The following ERAP1 variants were observed in gnomAD, a reference collection of about 807,000 sequenced individuals.
The protein encoded by ERAP1 is endoplasmic reticulum aminopeptidase 1, also known as adipocyte-derived leucine aminopeptidase.
ERAP1 carries 86 observed loss-of-function variants against 103.7 expected under a neutral mutation model. The ratio of observed to expected loss-of-function variants is 0.83; its 90% CI spans 0.70 to 0.99. The LOEUF is 0.99. Ranked by LOEUF, ERAP1 falls within the 50% of genes least tolerant of loss-of-function variation. The pLI is 0.00. For missense variants in ERAP1, 1,009 were observed against 1,128.4 expected, an observed-to-expected ratio of 0.89 and a Z score of 1.52; for synonymous variants, 398 against 402.4, an observed-to-expected ratio of 0.99 and a Z score of 0.13.
the ERAP1 span, among the ~76,000 whole-genome samples, chr5:96,847,247 CA>C: frequency 0.079 from 6,737 of 84,988 alleles, 534 homozygotes; most frequent in East Asian, 0.47. Context: ...GACTCCATCT[CA>C]AAAAAAAAAA....
At chr5:96,793,330 G>T in intron 7 of ERAP1, 70 bp downstream of exon 7, 2 of 1,036,550 alleles carry the variant, frequency 1.9e-6, no homozygotes, top group South Asian at 1.3e-5. Context: ...AAAGATTAGT[G>T]AATATTTTCC....
At chr5:96,927,033 T>G in the ERAP1 span, among the ~76,000 whole-genome samples, 40 of 152,124 alleles carry the variant, frequency 2.6e-4, no homozygotes, top group African/African-American at 8.9e-4. Flanking sequence ...CCCAGGCTGG[T>G]CTTGAACTCC....
chr5:96,878,742 A>G, the ERAP1 span, among the ~76,000 whole-genome samples: 1 of 152,182 alleles, frequency 6.6e-6, no homozygotes, highest in Non-Finnish European at 1.5e-5. Flanking sequence ...AGCCAGGCCA[A>G]CATGGTGAAA....
the ERAP1 span, among the ~76,000 whole-genome samples, chr5:96,898,008 C>G: frequency 1.3e-5 from 2 of 152,154 alleles, no homozygotes; most frequent in African/African-American, 4.8e-5. Context: ...ACCAGCCTGG[C>G]CAATTCGTGG....
At chr5:96,808,021 G>A (rs1286479790), upstream of ERAP1, 6 of 985,444 alleles carry the variant, frequency 6.1e-6, no homozygotes, top group Admixed American at 1.8e-4. Context: ...GAAGCCCCTG[G>A]CTAAGGCGGG....
chr5:96,917,777 G>T, the ERAP1 span: 3 of 401,552 alleles, frequency 7.5e-6, no homozygotes, highest in Admixed American at 1.3e-4. Flanking sequence ...ATGGTGGCAG[G>T]TGCCTGTAGT....
the ERAP1 span, among the ~76,000 whole-genome samples, chr5:96,868,570 G>A: frequency 6.6e-6 from 1 of 152,180 alleles, no homozygotes; most frequent in Admixed American, 6.5e-5. Context: ...CAGGAATTGA[G>A]CTGGGATATA....
At chr5:96,786,381 C>T in intron 12 of ERAP1, 89 bp downstream of exon 12, 1 of 926,552 alleles carries the variant, frequency 1.1e-6, no homozygotes, top group Non-Finnish European at 1.7e-6. Context: ...TTGCTTTAAC[C>T]AAGATAAATA....
Position 96,774,966 on chromosome 5 carries a change from A to G in ERAP1, c.*1430T>C, listed in dbSNP as rs1773856459. On this transcript the variant is annotated 3_prime_UTR_variant, in exon 19 of 19. Coordinates refer to ENST00000443439, the MANE Select transcript of ERAP1 (RefSeq NM_001040458.3). ...ATCTTGAAGTTTTTGCCTTATATTCAAAAAGTTCAGTTTGAATTCTCCTTT... is the reference window on the plus strand; with the variant it reads ...ATCTTGAAGTTTTTGCCTTATATTCGAAAAGTTCAGTTTGAATTCTCCTTT... 12 of 985,402 alleles carry G rather than the reference A, an allele frequency of 1.2e-5. No homozygotes were observed. The highest frequency in any genetic ancestry group is 1.4e-5 in the Non-Finnish European group (12 of 829,880). 61.0% of individuals were successfully genotyped at this position (985,402 alleles called of 1,614,324 possible). A position where few individuals can be genotyped will look rare whatever the true frequency, so the allele number is the denominator to read the frequency against.
intron 5 of ERAP1, 125 bp from the exon 6 acceptor site, chr5:96,794,082 G>A: frequency 2.2e-6 from 2 of 892,338 alleles, no homozygotes; most frequent in South Asian, 1.4e-5. Flanking sequence ...CTCTAGACTG[G>A]AAGAACCTTT....
chr5:96,862,371 T>G, the ERAP1 span, among the ~76,000 whole-genome samples: 2 of 152,204 alleles, frequency 1.3e-5, no homozygotes, highest in South Asian at 4.1e-4. Flanking sequence ...CAATAAACAG[T>G]AAACTTTTAC....
chr5:96,785,721 A>C (rs532620206), intron 13 of ERAP1, 67 bp downstream of exon 13: 7 of 1,539,496 alleles, frequency 4.5e-6, no homozygotes, highest in East Asian at 4.5e-5. Context: ...TGTCTTTAGA[A>C]ATCAAGAATT....
the ERAP1 span, among the ~76,000 whole-genome samples, chr5:96,828,328 T>G: frequency 2.6e-5 from 4 of 152,182 alleles, no homozygotes; most frequent in African/African-American, 4.8e-5. Flanking sequence ...GTAAATGAAT[T>G]ACTAAGAATA....
chr5:96,863,842 T>G, the ERAP1 span, among the ~76,000 whole-genome samples: 75 of 134,192 alleles, frequency 5.6e-4, no homozygotes, highest in Middle Eastern at 3.4e-3. Context: ...TTTAGAAATC[T>G]TATTTAAAAA....
intron 19 of ERAP1, chr5:96,768,812 T>G (rs1055020489): frequency 1.3e-5 from 2 of 159,164 alleles, no homozygotes; most frequent in African/African-American, 4.8e-5. Flanking sequence ...TAGGGAAGAC[T>G]TTCTTGTCTT....
chr5:96,831,260 C>T, the ERAP1 span, among the ~76,000 whole-genome samples: 1 of 152,140 alleles, frequency 6.6e-6, no homozygotes, highest in Non-Finnish European at 1.5e-5. Flanking sequence ...AATTCACTCA[C>T]TCACTATCAC....
chr5:96,791,537 C>T (rs571726867), intron 8 of ERAP1, among the ~76,000 whole-genome samples: 1 of 152,300 alleles, frequency 6.6e-6, no homozygotes, highest in East Asian at 1.9e-4. Flanking sequence ...TTAGCTCCAG[C>T]TTATGCTGCA....
the ERAP1 span, among the ~76,000 whole-genome samples, chr5:96,838,050 G>A: frequency 6.6e-6 from 1 of 152,154 alleles, no homozygotes; most frequent in South Asian, 2.1e-4. Flanking sequence ...ATGGGCACAG[G>A]GATGGGGGGT....
Position 96,807,907 on chromosome 5 carries a change from T to A in ERAP1, c.-65A>T. On this transcript the variant is annotated 5_prime_UTR_variant, in exon 1 of 19. Transcript: ENST00000443439. ...ACCCTTGCGCCGCCGCCACCACCACTGCCGCCGGCCTAGCTCCCCCAGGAC... is the reference window on the plus strand; with the variant it reads ...ACCCTTGCGCCGCCGCCACCACCACAGCCGCCGGCCTAGCTCCCCCAGGAC... 1 of 986,350 alleles carries A rather than the reference T, an allele frequency of 1.0e-6. No individual in the cohort carries two copies. The highest frequency in any genetic ancestry group is 1.2e-6 in the Non-Finnish European group (1 of 830,654). The allele number at this position is 986,350 out of a possible 1,614,324, so 61.1% of individuals were successfully genotyped here. A position where few individuals can be genotyped will look rare whatever the true frequency, so the allele number is the denominator to read the frequency against.
Sources: allele counts gnomAD v4.1 joint callset (sites outside exome capture counted in the v4.1 genomes callset), GRCh38; gene constraint gnomAD v4.1.1; transcripts MANE v1.5; gene names NCBI Gene and HGNC (gene_info 2026-07-23, HGNC 2026-07-21).